The following CTNNA1 variants were observed in gnomAD, a reference collection of about 807,000 sequenced individuals.
The protein encoded by CTNNA1 is catenin alpha 1.
A neutral mutation model predicts 98.4 loss-of-function variants in CTNNA1; 37 were observed. That is an observed-to-expected ratio of 0.38 (90% CI 0.29 to 0.49). The LOEUF (loss-of-function observed/expected upper bound fraction) is 0.49, where lower values mean the gene tolerates loss of function less well. CTNNA1 is among the 20% of genes least tolerant of loss of function. The pLI is 0.95. For missense variants in CTNNA1, 761 were observed against 1,147.2 expected (o/e 0.66, Z 4.86); for synonymous variants, 404 against 413.2 (o/e 0.98, Z 0.27).
chr5:138,906,546 A>G (rs529389608), intron 10 of CTNNA1, among the ~76,000 whole-genome samples: 1 of 152,282 alleles, frequency 6.6e-6, no homozygotes, highest in African/African-American at 2.4e-5. Flanking sequence ...TGATCTTAAA[A>G]CCCAGGAAAA....
intron 7 of CTNNA1, 133 bp downstream of exon 7, chr5:138,827,851 G>T (rs1181203102): frequency 7.7e-6 from 8 of 1,039,550 alleles, no homozygotes; most frequent in Non-Finnish European, 1.1e-5. Context: ...GAGTAGGTCA[G>T]ATTTTTAAAG....
At chr5:138,871,094 A>AAAG (rs1438754747) in intron 7 of CTNNA1, 1 of 152,188 alleles carries the variant, frequency 6.6e-6, no homozygotes. Context: ...TCTTAGTATT[A>AAAG]AAGAAGAAAA....
intron 3 of CTNNA1, among the ~76,000 whole-genome samples, chr5:138,794,230 T>A (rs1756686275): frequency 6.6e-6 from 1 of 152,152 alleles, no homozygotes. Context: ...TTGGCCAGGC[T>A]GGTCTTGAAC....
At chr5:138,852,507 A>G (rs1195287587) in intron 7 of CTNNA1, among the ~76,000 whole-genome samples, 2 of 151,990 alleles carry the variant, frequency 1.3e-5, no homozygotes, top group African/African-American at 4.8e-5. Flanking sequence ...TCCAAGACCC[A>G]GGGAATCTCA....
chr5:138,798,869 G>A (rs377642892), intron 3 of CTNNA1, among the ~76,000 whole-genome samples: 2 of 152,122 alleles, frequency 1.3e-5, no homozygotes, highest in South Asian at 2.1e-4. Flanking sequence ...ACAACCGTGC[G>A]ATCTTGGATA....
chr5:138,895,505 G>GC, intron 9 of CTNNA1, among the ~76,000 whole-genome samples: 1 of 65,420 alleles, frequency 1.5e-5, no homozygotes, highest in South Asian at 4.2e-4. Context: ...CAGTTTTTTG[G>GC]GGGGGGGGAT....
At chr5:138,836,557 T>G (rs1201159546) in intron 7 of CTNNA1, among the ~76,000 whole-genome samples, 1 of 152,234 alleles carries the variant, frequency 6.6e-6, no homozygotes. Context: ...GCAGGCAAGT[T>G]CTTAATCTCT....
chr5:138,839,493 G>T lies in CTNNA1; in HGVS notation c.1062+11775G>T, dbSNP rs375675156. On this transcript the variant is annotated intron_variant, in intron 7 of 17. Coordinates refer to ENST00000302763, the MANE Select transcript of CTNNA1 (RefSeq NM_001903.5). ...TGGGATTACAGGCATGAGCCACCGT[G>T]CCTGGCCTGTATTCTGTTATTGTTG... 5.6e-4 allele frequency among the ~76,000 whole-genome samples: 85 copies of T among 152,306 alleles called. No individual in the cohort carries two copies. In the South Asian group the frequency reaches 0.015, roughly 27 times the overall value.
intron 9 of CTNNA1, among the ~76,000 whole-genome samples, chr5:138,892,867 A>G (rs886139188): frequency 1.3e-5 from 2 of 151,720 alleles, no homozygotes; most frequent in African/African-American, 4.8e-5. Context: ...GAATACAAAA[A>G]TAGCCAGGTG....
intron 3 of CTNNA1, among the ~76,000 whole-genome samples, chr5:138,794,658 T>G (rs1756738281): frequency 6.6e-6 from 1 of 152,246 alleles, no homozygotes; most frequent in African/African-American, 2.4e-5. Flanking sequence ...AATTTGCATC[T>G]ATATTGACAA....
chr5:138,918,218 G>A (rs548319556), intron 11 of CTNNA1, among the ~76,000 whole-genome samples: 87 of 151,974 alleles, frequency 5.7e-4, no homozygotes, highest in Non-Finnish European at 8.5e-4. Context: ...AACTGGGACC[G>A]GTAGAACACC....
intron 1 of CTNNA1, among the ~76,000 whole-genome samples, chr5:138,776,156 A>G (rs765927449): frequency 6.6e-6 from 1 of 151,354 alleles, no homozygotes; most frequent in African/African-American, 2.4e-5. Context: ...CAAGTGAACA[A>G]AGGTCTCTGG....
At chr5:138,814,021 A>G (rs985299585) in intron 5 of CTNNA1, among the ~76,000 whole-genome samples, 1 of 152,216 alleles carries the variant, frequency 6.6e-6, no homozygotes, top group African/African-American at 2.4e-5. Flanking sequence ...TAGGGTTGAG[A>G]GGATTCAAAT....
intron 7 of CTNNA1, among the ~76,000 whole-genome samples, chr5:138,878,581 A>AT (rs1752174299): frequency 6.6e-6 from 1 of 152,234 alleles, no homozygotes; most frequent in East Asian, 1.9e-4. Flanking sequence ...TTTTAAGCAA[A>AT]TTAACTGAGT....
chr5:138,907,038 T>A (rs1759410026), intron 10 of CTNNA1, among the ~76,000 whole-genome samples: 1 of 152,184 alleles, frequency 6.6e-6, no homozygotes, highest in Non-Finnish European at 1.5e-5. Context: ...TTTTCTTTTT[T>A]TGAGATGGAG....
chr5:138,895,330 T>G (rs1025953817), intron 9 of CTNNA1, among the ~76,000 whole-genome samples: 4 of 152,246 alleles, frequency 2.6e-5, no homozygotes, highest in Non-Finnish European at 5.9e-5. Flanking sequence ...GACTTTGTCT[T>G]ATTCTGAAGT....
chr5:138,831,211 G>A (rs1464479629), intron 7 of CTNNA1, among the ~76,000 whole-genome samples: 2 of 152,146 alleles, frequency 1.3e-5, no homozygotes, highest in African/African-American at 4.8e-5. Flanking sequence ...TTATTACCAG[G>A]TTCCACTGGC....
chr5:138,824,369 C>T (rs1760418834), intron 5 of CTNNA1, among the ~76,000 whole-genome samples, 161 bp from the exon 6 acceptor site: 1 of 152,074 alleles, frequency 6.6e-6, no homozygotes, highest in African/African-American at 2.4e-5. Flanking sequence ...CCTACCAAAC[C>T]ATACTGCCTT....
chr5:138,809,987 C>A, intron 3 of CTNNA1, 51 bp from the exon 4 acceptor site: 1 of 1,535,058 alleles, frequency 6.5e-7, no homozygotes, highest in Non-Finnish European at 8.9e-7. Context: ...AAATGTAGAT[C>A]AGTTATTTGA....
Sources: allele counts gnomAD v4.1 joint callset (sites outside exome capture counted in the v4.1 genomes callset), GRCh38; gene constraint gnomAD v4.1.1; transcripts MANE v1.5; gene names NCBI Gene and HGNC (gene_info 2026-07-23, HGNC 2026-07-21).